Variants in GLG1 observed in about 807,000 individuals in gnomAD.
GLG1 encodes the protein Golgi apparatus protein 1.
In GLG1, 38 loss-of-function variants were observed where a neutral mutation model predicts 160.5. The observed-to-expected ratio is 0.24, with a 90% CI of 0.18 to 0.31. The LOEUF (loss-of-function observed/expected upper bound fraction) is 0.31. GLG1 is among the 10% of genes least tolerant of loss of function. GLG1 has a pLI of 1.00. For synonymous variants in GLG1, 644 were observed against 543.4 expected (o/e 1.19, Z -2.57); for missense variants, 1,373 against 1,505.2 (o/e 0.91, Z 1.45).
intron 1 of GLG1, among the ~76,000 whole-genome samples, chr16:74,543,508 TG>T (rs2017962275): frequency 6.6e-6 from 1 of 152,146 alleles, no homozygotes. Flanking sequence ...TGAAATCTTC[TG>T]GGTTTGCAAA....
chr16:74,605,789 C>G (rs1035789847), intron 1 of GLG1, among the ~76,000 whole-genome samples: 3 of 152,052 alleles, frequency 2.0e-5, no homozygotes, highest in Non-Finnish European at 4.4e-5. Context: ...TTCTATTTGT[C>G]CACCTTTAGG....
Position 74,472,585 on chromosome 16 carries a change from C to A in GLG1, c.2053-174G>T, listed in dbSNP as rs979424169. On this transcript the variant is annotated intron_variant, in intron 13 of 25. Transcript: ENST00000422840. Reference sequence around the variant, plus strand: ...CCCCAGAATAAATATAGAACTGCTCCTCCGTTATACTTTGAAAGGCAAATT... The same window carrying A: ...CCCCAGAATAAATATAGAACTGCTCATCCGTTATACTTTGAAAGGCAAATT... 1.8e-5 allele frequency: 27 copies of A among 1,496,752 alleles called. No homozygotes were observed. In the African/African-American group the frequency reaches 3.0e-4, roughly 17 times the overall value. 92.7% of individuals were successfully genotyped at this position (1,496,752 alleles called of 1,614,324 possible). A position where few individuals can be genotyped will look rare whatever the true frequency, so the allele number is the denominator to read the frequency against.
chr16:74,463,344 C>CCAAG lies in GLG1; in HGVS notation c.2791+8_2791+11dup. 6.2e-7 allele frequency: 1 copy of CCAAG among 1,612,948 alleles called. No individual in the cohort carries two copies. Among genetic ancestry groups the CCAAG allele is most frequent in the Non-Finnish European group, 8.5e-7 (1 of 1,179,446 alleles). On this transcript the variant is annotated intron_variant, in intron 20 of 25. Coordinates refer to ENST00000422840, the MANE Select transcript of GLG1 (RefSeq NM_001145667.2). ...ACTCCACGGGGCCAGGAGAGCCAAG[C>CCAAG]CAAGATCTTACCTGTGTTCTGGGTG...
chr16:74,568,391 G>A (rs2018719880), intron 1 of GLG1, among the ~76,000 whole-genome samples: 1 of 95,784 alleles, frequency 1.0e-5, no homozygotes, highest in Admixed American at 1.1e-4. Context: ...TGATAAAGCA[G>A]AAAGAAGTAT....
Position 74,480,295 on chromosome 16 carries a change from A to G in GLG1, c.1773T>C (p.Ala591=), listed in dbSNP as rs753504501. The change falls in exon 11 of 26, where the codon GCT becomes GCC. Residue 591 remains alanine (A), a synonymous_variant. Transcript: ENST00000422840. ...NETSEFMPQG[A]VFSCLYRHAY... The stretch of plus-strand genomic sequence containing the variant: ...CGTGTCTGTATAAACAAGAGAACAC[A>G]GCTCCCTGAGGCATAAATTCACTGG... The G allele has an allele frequency of 8.7e-5, 140 of 1,613,148 alleles. No individual in the cohort carries two copies. The highest frequency in any genetic ancestry group is 1.1e-4 in the Non-Finnish European group (135 of 1,179,158).
At chr16:74,543,862 C>T (rs937306993) in intron 1 of GLG1, among the ~76,000 whole-genome samples, 2 of 152,072 alleles carry the variant, frequency 1.3e-5, no homozygotes, top group African/African-American at 4.8e-5. Context: ...ACCACACGAC[C>T]TGAACAAATT....
intron 1 of GLG1, among the ~76,000 whole-genome samples, chr16:74,545,537 C>A (rs1371119941): frequency 1.3e-5 from 2 of 152,198 alleles, no homozygotes; most frequent in African/African-American, 4.8e-5. Flanking sequence ...TCTGTCTGTT[C>A]CAGACCCTAG....
chr16:74,573,136 GAT>G (rs1232543520), intron 1 of GLG1, among the ~76,000 whole-genome samples: 1 of 152,144 alleles, frequency 6.6e-6, no homozygotes, highest in African/African-American at 2.4e-5. Context: ...CCCAGAAATA[GAT>G]AATTGACACA....
intron 2 of GLG1, among the ~76,000 whole-genome samples, chr16:74,525,932 G>C (rs1294642725): frequency 6.6e-6 from 1 of 152,126 alleles, no homozygotes; most frequent in African/African-American, 2.4e-5. Context: ...GAGGCAGGCA[G>C]ATCACTTGAG....
chr16:74,551,501 G>C lies in GLG1; in HGVS notation c.439-19348C>G, dbSNP rs1007958429. The stretch of plus-strand genomic sequence containing the variant: ...TTTTTTTTTTTTTTAATTTTTAGTA[G>C]AGACGGGCGTCTTGCCATGTTGGCC... On this transcript the variant is annotated intron_variant, in intron 1 of 25. Transcript: ENST00000422840. Among the ~76,000 whole-genome samples, 11 of 142,268 alleles carry C rather than the reference G, an allele frequency of 7.7e-5. 1 individual carries two copies. The allele number at this position is 142,268 out of a possible 152,430, so 93.3% of individuals were successfully genotyped here. A position where few individuals can be genotyped will look rare whatever the true frequency, so the allele number is the denominator to read the frequency against.
chr16:74,474,296 C>T (rs1204923142), intron 13 of GLG1: 2 of 400,806 alleles, frequency 5.0e-6, no homozygotes, highest in Non-Finnish European at 9.1e-6. Flanking sequence ...AGTCTAATGA[C>T]TATGATAAAC....
chr16:74,491,879 G>A (rs1464554474), intron 7 of GLG1, among the ~76,000 whole-genome samples: 2 of 150,988 alleles, frequency 1.3e-5, no homozygotes, highest in Non-Finnish European at 3.0e-5. Context: ...TGCCTACCTC[G>A]GCCTCCCAAA....
rs938852564 is a variant in GLG1 at position 74,470,972 on chromosome 16, G to A, written c.2229+201C>T. Among the ~76,000 whole-genome samples, 3 of 151,630 alleles carry A rather than the reference G, an allele frequency of 2.0e-5. No homozygotes were observed. In the South Asian group the frequency reaches 6.2e-4, roughly 32 times the overall value. Reference sequence around the variant, plus strand: ...GAGTTTCACCATGTTGCTCAGGTTGGTCTTGAACTCCTGGCCTCAAGTGAT... The same window carrying A: ...GAGTTTCACCATGTTGCTCAGGTTGATCTTGAACTCCTGGCCTCAAGTGAT... On this transcript the variant is annotated intron_variant, in intron 15 of 25. Coordinates refer to ENST00000422840, the MANE Select transcript of GLG1 (RefSeq NM_001145667.2).
chr16:74,469,855 G>A, intron 16 of GLG1, 130 bp downstream of exon 16: 1 of 683,882 alleles, frequency 1.5e-6, no homozygotes, highest in Middle Eastern at 2.4e-4. Context: ...GCTAATCAAA[G>A]GAGAGATGCG....
chr16:74,512,446 G>C (rs1007538533), intron 2 of GLG1, among the ~76,000 whole-genome samples: 1 of 151,974 alleles, frequency 6.6e-6, no homozygotes. Context: ...TGAATTTTTA[G>C]TAGAGATGGG....
chr16:74,577,892 A>G (rs926515442), intron 1 of GLG1, among the ~76,000 whole-genome samples: 10 of 151,740 alleles, frequency 6.6e-5, no homozygotes, highest in Admixed American at 3.3e-4. Flanking sequence ...GCTGGGATTA[A>G]AAGTGTGCAG....
At chr16:74,537,980 T>C (rs1402672393) in intron 1 of GLG1, among the ~76,000 whole-genome samples, 1 of 152,052 alleles carries the variant, frequency 6.6e-6, no homozygotes, top group African/African-American at 2.4e-5. Flanking sequence ...AATTAAAGGA[T>C]TCATAAAGCT....
chr16:74,553,024 G>T (rs1182914978), intron 1 of GLG1, among the ~76,000 whole-genome samples: 2 of 152,208 alleles, frequency 1.3e-5, no homozygotes, highest in African/African-American at 4.8e-5. Flanking sequence ...TTTGAGACCA[G>T]CCTGGCCAAC....
chr16:74,473,960 T>TC (rs1039540503), intron 13 of GLG1, among the ~76,000 whole-genome samples: 11 of 151,968 alleles, frequency 7.2e-5, no homozygotes, highest in African/African-American at 2.2e-4. Context: ...GCTATTTTTT[T>TC]TTTTTTTTTG....
Sources: allele counts gnomAD v4.1 joint callset (sites outside exome capture counted in the v4.1 genomes callset), GRCh38; gene constraint gnomAD v4.1.1; transcripts MANE v1.5; gene names NCBI Gene and HGNC (gene_info 2026-07-23, HGNC 2026-07-21).